SGCZ: variants seen among roughly 807,000 people sequenced by gnomAD.
The protein encoded by SGCZ is zeta-sarcoglycan.
A neutral mutation model predicts 41.3 loss-of-function variants in SGCZ; 40 were observed. The observed-to-expected ratio is 0.97, with a 90% CI of 0.75 to 1.26. The LOEUF is 1.26. Ranked by LOEUF, SGCZ falls within the 50% of genes most tolerant of loss-of-function variation. The pLI is 0.00. For missense variants in SGCZ, 552 were observed against 369.8 expected, an observed-to-expected ratio of 1.49 and a Z score of -4.04; for synonymous variants, 206 against 137.5, an observed-to-expected ratio of 1.50 and a Z score of -3.49.
chr8:14,406,960 G>A (rs1187934639), intron 2 of SGCZ, among the ~76,000 whole-genome samples: 2 of 151,964 alleles, frequency 1.3e-5, no homozygotes, highest in African/African-American at 2.4e-5. Context: ...ATTCTTTCAC[G>A]GGTGAAGCCA....
intron 1 of SGCZ, among the ~76,000 whole-genome samples, chr8:15,090,962 A>G (rs1806136528): frequency 1.3e-5 from 2 of 152,288 alleles, no homozygotes; most frequent in Admixed American, 6.5e-5. Flanking sequence ...TGAACAATTG[A>G]GACTGATTAC....
At chr8:14,320,557 G>C (rs570833858) in intron 3 of SGCZ, among the ~76,000 whole-genome samples, 87 of 152,046 alleles carry the variant, frequency 5.7e-4, no homozygotes, top group Admixed American at 4.9e-3. Context: ...ATTCTATAAA[G>C]AATAATTGAA....
chr8:14,963,383 G>C (rs1350897221), intron 1 of SGCZ, among the ~76,000 whole-genome samples: 2 of 150,588 alleles, frequency 1.3e-5, no homozygotes, highest in African/African-American at 2.5e-5. Context: ...CTATTGCCGA[G>C]CCTGGAGTCC....
chr8:14,496,822 G>A (rs7015187), intron 2 of SGCZ, among the ~76,000 whole-genome samples: 152,195 of 152,318 alleles, frequency 1, 76,036 homozygotes, highest in Non-Finnish European at 1. Context: ...CAGTGTCTGT[G>A]TGTGTATAAA....
At chr8:14,680,279 G>T (rs547783408) in intron 1 of SGCZ, among the ~76,000 whole-genome samples, 1 of 152,070 alleles carries the variant, frequency 6.6e-6, no homozygotes, top group South Asian at 2.1e-4. Flanking sequence ...TGGTGTATAC[G>T]TGTCATTATA....
intron 1 of SGCZ, among the ~76,000 whole-genome samples, chr8:14,664,947 T>A (rs1807860719): frequency 6.6e-6 from 1 of 152,150 alleles, no homozygotes; most frequent in Non-Finnish European, 1.5e-5. Flanking sequence ...TAGCACTAGG[T>A]GATCCTGGTC....
intron 2 of SGCZ, among the ~76,000 whole-genome samples, chr8:14,369,051 G>GTGTA (rs903725233): frequency 6.7e-6 from 1 of 150,118 alleles, no homozygotes; most frequent in East Asian, 1.9e-4. Flanking sequence ...GTGTGTGTGT[G>GTGTA]TGTATTACAT....
chr8:14,431,997 A>G (rs1196825902), intron 2 of SGCZ, among the ~76,000 whole-genome samples: 3 of 150,442 alleles, frequency 2.0e-5, no homozygotes, highest in Admixed American at 6.7e-5. Context: ...TACTCTTGCA[A>G]GAATGGCTAT....
intron 1 of SGCZ, among the ~76,000 whole-genome samples, chr8:15,176,775 G>T (rs1800011877): frequency 6.6e-6 from 1 of 152,194 alleles, no homozygotes; most frequent in Non-Finnish European, 1.5e-5. Flanking sequence ...GCCGAGGTGG[G>T]CGGATCACAA....
intron 3 of SGCZ, among the ~76,000 whole-genome samples, chr8:14,282,431 C>A: frequency 6.6e-6 from 1 of 152,076 alleles, no homozygotes; most frequent in East Asian, 1.9e-4. Flanking sequence ...TCTCTTGATC[C>A]CTCCCACTGT....
intron 2 of SGCZ, among the ~76,000 whole-genome samples, chr8:14,351,745 T>C (rs1803105182): frequency 6.6e-6 from 1 of 152,064 alleles, no homozygotes. Context: ...CTTTATATTA[T>C]GATTTTGAAT....
intron 1 of SGCZ, among the ~76,000 whole-genome samples, chr8:15,158,442 T>C (rs1231714273): frequency 2.0e-5 from 3 of 152,208 alleles, no homozygotes; most frequent in Non-Finnish European, 4.4e-5. Flanking sequence ...TAACTTTTGA[T>C]ATATACTTGG....
intron 5 of SGCZ, among the ~76,000 whole-genome samples, chr8:14,120,488 G>A (rs1298957071): frequency 6.6e-6 from 1 of 152,024 alleles, no homozygotes; most frequent in Non-Finnish European, 1.5e-5. Flanking sequence ...AAAGTACAAT[G>A]TGGTTTTATA....
chr8:14,446,885 G>T (rs1321270487), intron 2 of SGCZ, among the ~76,000 whole-genome samples: 3 of 152,088 alleles, frequency 2.0e-5, no homozygotes, highest in Non-Finnish European at 2.9e-5. Context: ...GGAGATTATA[G>T]CAGATCAATC....
At chr8:14,728,025 A>G (rs112300597) in intron 1 of SGCZ, among the ~76,000 whole-genome samples, 1,852 of 152,292 alleles carry the variant, frequency 0.012, 24 homozygotes, top group Non-Finnish European at 0.019. Context: ...GCGTCCATTT[A>G]TATGAATTCG....
At chr8:14,571,098 G>A (rs534637164) in intron 1 of SGCZ, among the ~76,000 whole-genome samples, 1 of 152,268 alleles carries the variant, frequency 6.6e-6, no homozygotes, top group South Asian at 2.1e-4. Context: ...CCACATGGCT[G>A]AGGAGGCCTC....
intron 2 of SGCZ, among the ~76,000 whole-genome samples, chr8:14,539,565 T>G (rs1461690796): frequency 6.6e-6 from 1 of 151,954 alleles, no homozygotes; most frequent in Non-Finnish European, 1.5e-5. Flanking sequence ...TTATTTTAAG[T>G]TCAGGGGTAC....
At chr8:14,926,280 C>T (rs1250311111) in intron 1 of SGCZ, among the ~76,000 whole-genome samples, 1 of 152,034 alleles carries the variant, frequency 6.6e-6, no homozygotes, top group East Asian at 1.9e-4. Context: ...AATAAAAGAT[C>T]ATCGAAAAAA....
chr8:14,519,975 T>C (rs911284476), intron 2 of SGCZ, among the ~76,000 whole-genome samples: 7 of 152,124 alleles, frequency 4.6e-5, no homozygotes, highest in African/African-American at 7.2e-5. Flanking sequence ...TAAGTGCTGA[T>C]TGTAAAAATA....
Sources: gnomAD v4.1 joint callset for allele counts (sites outside exome capture counted in the v4.1 genomes callset) on GRCh38, gnomAD v4.1.1 for gene constraint, MANE v1.5 for transcripts, NCBI Gene and HGNC (gene_info 2026-07-23, HGNC 2026-07-21) for gene names.